FOLH1: variants seen among roughly 807,000 people sequenced by gnomAD.
The protein encoded by FOLH1 is glutamate carboxypeptidase 2.
A neutral mutation model predicts 93.9 loss-of-function variants in FOLH1; 54 were observed. The observed-to-expected ratio is 0.57, with a 90% CI of 0.46 to 0.72. The LOEUF is 0.72. Ranked by LOEUF, FOLH1 falls within the 30% of genes least tolerant of loss-of-function variation. The pLI is 0.00. For synonymous variants in FOLH1, 249 were observed against 303.6 expected (o/e 0.82, Z 1.87); for missense variants, 571 against 892.5 (o/e 0.64, Z 4.59).
chr11:49,195,874 G>A (rs539760126), intron 3 of FOLH1, among the ~76,000 whole-genome samples: 23 of 151,960 alleles, frequency 1.5e-4, no homozygotes, highest in African/African-American at 4.6e-4. Context: ...TTAAAAAATC[G>A]GCCAGGCACA....
chr11:49,200,082 C>T (rs189610016), intron 3 of FOLH1, among the ~76,000 whole-genome samples, 173 bp downstream of exon 3: 33 of 152,150 alleles, frequency 2.2e-4, no homozygotes, highest in African/African-American at 7.5e-4. Flanking sequence ...TAAACTCAAA[C>T]ATCATAGGAA....
intron 17 of FOLH1, among the ~76,000 whole-genome samples, chr11:49,152,193 A>T (rs1404704309): frequency 2.6e-5 from 4 of 152,100 alleles, no homozygotes; most frequent in Admixed American, 1.3e-4. Flanking sequence ...CTTAGGCATT[A>T]GGTTATTTTG....
chr11:49,169,778 T>C (rs1036327474), intron 11 of FOLH1, among the ~76,000 whole-genome samples: 6 of 152,190 alleles, frequency 3.9e-5, no homozygotes, highest in Admixed American at 3.9e-4. Context: ...TACCATCTCC[T>C]GGTCAATATT....
intron 3 of FOLH1, among the ~76,000 whole-genome samples, chr11:49,193,101 A>G (rs1177816808): frequency 1.3e-5 from 2 of 152,178 alleles, no homozygotes; most frequent in African/African-American, 4.8e-5. Flanking sequence ...TGTCCTCAAA[A>G]TGGTTAGATC....
rs556650660 is a variant in FOLH1, at chr11:49,202,642, G to A, written c.225-2201C>T. Among the ~76,000 whole-genome samples the A allele has an allele frequency of 5.3e-5, 8 of 152,324 alleles. No individual in the cohort carries two copies. The South Asian group carries it at 1.5e-3, about 28-fold the overall frequency. ...ATTACATGGGTGAGCCACTATGCCC[G>A]AATACATTATCTCAGTCCTTTAAAA... On this transcript the variant is annotated intron_variant, in intron 2 of 18. Coordinates refer to ENST00000256999, the MANE Select transcript of FOLH1 (RefSeq NM_004476.3).
At chr11:49,208,095 C>CGA (rs1864173399) in intron 1 of FOLH1, 197 bp downstream of exon 1, 1 of 627,910 alleles carries the variant, frequency 1.6e-6, no homozygotes, top group African/African-American at 1.8e-5. Context: ...AGCAGCTTGT[C>CGA]GAGAACTCAG....
chr11:49,173,814 A>G (rs1859668245), intron 9 of FOLH1, among the ~76,000 whole-genome samples: 1 of 152,144 alleles, frequency 6.6e-6, no homozygotes, highest in Non-Finnish European at 1.5e-5. Flanking sequence ...TAATATATTC[A>G]AAGTAAGAGA....
intron 12 of FOLH1, among the ~76,000 whole-genome samples, chr11:49,167,909 CACA>C (rs1858621828): frequency 2.1e-5 from 2 of 94,940 alleles, no homozygotes; most frequent in African/African-American, 8.5e-5. Flanking sequence ...AACAAAAAAA[CACA>C]CACAAAAAAA....
rs1397903191 is a variant in FOLH1 at position 49,146,694 on chromosome 11, A to C, written c.*62T>G. ...AATTTTAAAATTTATCAATATACCCATTACGATTCTTTCTGAGTGACATAC... is the reference window on the plus strand; with the variant it reads ...AATTTTAAAATTTATCAATATACCCCTTACGATTCTTTCTGAGTGACATAC... On this transcript the variant is annotated 3_prime_UTR_variant, in exon 19 of 19. Coordinates refer to ENST00000256999, the MANE Select transcript of FOLH1 (RefSeq NM_004476.3). 4.7e-6 allele frequency: 7 copies of C among 1,502,160 alleles called. No homozygotes were observed. The highest frequency in any genetic ancestry group is 5.4e-6 in the Non-Finnish European group (6 of 1,119,288). The allele number at this position is 1,502,160 out of a possible 1,614,324, so 93.1% of individuals were successfully genotyped here. A position where few individuals can be genotyped will look rare whatever the true frequency, so the allele number is the denominator to read the frequency against.
At chr11:49,198,263 C>T (rs1424625109) in intron 3 of FOLH1, among the ~76,000 whole-genome samples, 6 of 151,888 alleles carry the variant, frequency 4.0e-5, no homozygotes, top group South Asian at 4.1e-4. Context: ...GGGTGGATAA[C>T]GAGGTCAGCA....
chr11:49,189,666 G>A (rs1861810606), intron 4 of FOLH1, among the ~76,000 whole-genome samples: 1 of 152,202 alleles, frequency 6.6e-6, no homozygotes, highest in Non-Finnish European at 1.5e-5. Flanking sequence ...TATTGAATGA[G>A]TATGGCTATT....
chr11:49,164,759 C>G lies in FOLH1; in HGVS notation c.1386G>C (p.Leu462=). The change falls in exon 13 of 19, where the codon CTG becomes CTC. Residue 462 remains leucine, a synonymous_variant. Coordinates refer to ENST00000256999, the MANE Select transcript of FOLH1 (RefSeq NM_004476.3). Reference sequence around the variant, plus strand: ...ACATCAGCGGTGTACAATCAACTCTCAGAGTGTAGTTTCCTGAAAAATAAG... The same window carrying G: ...ACATCAGCGGTGTACAATCAACTCTGAGAGTGTAGTTTCCTGAAAAATAAG... ...ADSSIEGNYT[L]RVDCTPLMYS... 6.2e-7 allele frequency: 1 copy of G among 1,601,116 alleles called. No homozygotes were observed. The highest frequency in any genetic ancestry group is 8.5e-7 in the Non-Finnish European group (1 of 1,170,554).
chr11:49,168,445 T>C (rs2733984), intron 12 of FOLH1, among the ~76,000 whole-genome samples: 1 of 152,176 alleles, frequency 6.6e-6, no homozygotes, highest in East Asian at 1.9e-4. Context: ...GCTTATTAAA[T>C]ATATTTCCAT....
At chr11:49,163,835 T>G (rs901371692) in intron 13 of FOLH1, among the ~76,000 whole-genome samples, 3 of 152,006 alleles carry the variant, frequency 2.0e-5, no homozygotes, top group African/African-American at 7.3e-5. Flanking sequence ...GTGGAGTGGG[T>G]TCACAAGGGT....
In FOLH1 at chr11:49,156,499, C is replaced by T. The variant is rs143755804; in HGVS notation, c.1623+218G>A. Reference sequence around the variant, plus strand: ...GTACACAGAAGTTCACATTTGCAGACATGAGTATTGATACCAACTGACACT... The same window carrying T: ...GTACACAGAAGTTCACATTTGCAGATATGAGTATTGATACCAACTGACACT... On this transcript the variant is annotated intron_variant, in intron 15 of 18. Coordinates refer to ENST00000256999, the MANE Select transcript of FOLH1 (RefSeq NM_004476.3). Among the ~76,000 whole-genome samples, 403 of 152,110 alleles carry T rather than the reference C, an allele frequency of 2.6e-3. 3 individuals are homozygous for T. The highest frequency in any genetic ancestry group is 9.3e-3 in the African/African-American group (386 of 41,512).
chr11:49,167,942 A>G (rs1176425947), intron 12 of FOLH1, among the ~76,000 whole-genome samples: 2 of 151,996 alleles, frequency 1.3e-5, no homozygotes, highest in Non-Finnish European at 2.9e-5. Flanking sequence ...GAAAATGCCA[A>G]CGTGACTCCA....
At chr11:49,163,361 G>A (rs1392604235) in intron 13 of FOLH1, among the ~76,000 whole-genome samples, 2 of 152,064 alleles carry the variant, frequency 1.3e-5, no homozygotes, top group Admixed American at 6.6e-5. Context: ...GTCTGGCCAC[G>A]TTTTTGTGAG....
chr11:49,191,412 C>T (rs753489773), intron 4 of FOLH1, among the ~76,000 whole-genome samples: 1 of 152,308 alleles, frequency 6.6e-6, no homozygotes, highest in East Asian at 1.9e-4. Flanking sequence ...CACCGATCAG[C>T]AAACTCATCT....
At chr11:49,149,188 G>C (rs1252968493) in intron 17 of FOLH1, among the ~76,000 whole-genome samples, 1 of 152,038 alleles carries the variant, frequency 6.6e-6, no homozygotes, top group African/African-American at 2.4e-5. Context: ...GGAATTAACA[G>C]GGTGAAAATG....
Sources: allele counts gnomAD v4.1 joint callset (sites outside exome capture counted in the v4.1 genomes callset), GRCh38; gene constraint gnomAD v4.1.1; transcripts MANE v1.5; gene names NCBI Gene and HGNC (gene_info 2026-07-23, HGNC 2026-07-21).